TBC1D19: variants seen among roughly 807,000 people sequenced by gnomAD.
TBC1D19 encodes TBC1 domain family member 19, also known as TBC1 domain family, member 19.
In TBC1D19, 60 loss-of-function variants were observed where a neutral mutation model predicts 89.0. The ratio of observed to expected loss-of-function variants is 0.67; its 90% CI spans 0.55 to 0.84. TBC1D19 has a LOEUF of 0.84. Among genes scored for constraint, TBC1D19 ranks in the 40% least tolerant of loss-of-function variants. TBC1D19 has a pLI of 0.00. For synonymous variants in TBC1D19, 189 were observed against 199.7 expected (o/e 0.95, Z 0.45); for missense variants, 500 against 610.8 (o/e 0.82, Z 1.91).
At chr4:26,718,991 C>T (rs1716815371) in intron 14 of TBC1D19, among the ~76,000 whole-genome samples, 1 of 152,022 alleles carries the variant, frequency 6.6e-6, no homozygotes. Flanking sequence ...CACTTTCCAA[C>T]CTTAAAAATC....
chr4:26,841,822 A>G, the TBC1D19 span, among the ~76,000 whole-genome samples: 100 of 152,314 alleles, frequency 6.6e-4, no homozygotes, highest in Admixed American at 4.8e-3. Flanking sequence ...GTCAAGCCAT[A>G]AAATATGAAT....
intron 13 of TBC1D19, among the ~76,000 whole-genome samples, chr4:26,698,350 A>G (rs559085564): frequency 1.0e-3 from 152 of 152,324 alleles, no homozygotes; most frequent in Non-Finnish European, 1.7e-3. Flanking sequence ...CCACTGCTGA[A>G]CAAAATAAAA....
the TBC1D19 span, among the ~76,000 whole-genome samples, chr4:26,762,694 A>G: frequency 6.6e-6 from 1 of 152,216 alleles, no homozygotes; most frequent in African/African-American, 2.4e-5. Context: ...AGATGGGAAG[A>G]TTATCCTGGA....
the TBC1D19 span, among the ~76,000 whole-genome samples, chr4:26,790,097 G>T: frequency 2.2e-4 from 34 of 152,272 alleles, no homozygotes; most frequent in Non-Finnish European, 4.4e-4. Flanking sequence ...AAACTATTCA[G>T]GTGATGGCTA....
the TBC1D19 span, among the ~76,000 whole-genome samples, chr4:26,805,812 A>T: frequency 6.6e-6 from 1 of 152,158 alleles, no homozygotes; most frequent in South Asian, 2.1e-4. Flanking sequence ...CCTGGCCAAC[A>T]TGGTGAAACC....
At chr4:26,822,177 T>C in the TBC1D19 span, among the ~76,000 whole-genome samples, 1 of 152,376 alleles carries the variant, frequency 6.6e-6, no homozygotes, top group African/African-American at 2.4e-5. Flanking sequence ...TGTTACTCTC[T>C]CTGGCAGAGA....
the TBC1D19 span, among the ~76,000 whole-genome samples, chr4:26,786,835 C>T: frequency 3.3e-5 from 5 of 151,168 alleles, no homozygotes; most frequent in East Asian, 5.8e-4. Context: ...CAGATGGGGC[C>T]GAATGGCCGG....
chr4:26,655,945 G>A (rs1461498448), intron 7 of TBC1D19, among the ~76,000 whole-genome samples: 3 of 152,064 alleles, frequency 2.0e-5, no homozygotes, highest in South Asian at 2.1e-4. Context: ...TGCAGAAATC[G>A]TTCGTCTTCT....
At chr4:26,615,223 A>T (rs1188006637) in intron 3 of TBC1D19, among the ~76,000 whole-genome samples, 1 of 152,172 alleles carries the variant, frequency 6.6e-6, no homozygotes, top group African/African-American at 2.4e-5. Context: ...TAGATTTAAC[A>T]TCAGGGTCTA....
the TBC1D19 span, among the ~76,000 whole-genome samples, chr4:26,842,528 C>CCCTT: frequency 2.4e-5 from 3 of 124,228 alleles, no homozygotes. Flanking sequence ...TCCCTTTCTT[C>CCCTT]CCTTCCTTCC....
At chr4:26,757,795 TGTCTA>T (rs571716681), downstream of TBC1D19, among the ~76,000 whole-genome samples, 2 of 152,204 alleles carry the variant, frequency 1.3e-5, no homozygotes, top group Middle Eastern at 3.2e-3. Context: ...CATTAAGAAG[TGTCTA>T]GTCTAGTCTA....
At chr4:26,809,276 G>A in the TBC1D19 span, among the ~76,000 whole-genome samples, 8 of 152,304 alleles carry the variant, frequency 5.3e-5, no homozygotes, top group East Asian at 1.4e-3. Context: ...TCTCAGGACA[G>A]ACCATGTTGC....
chr4:26,717,624 A>AT (rs1716712965), intron 13 of TBC1D19, among the ~76,000 whole-genome samples: 1 of 151,862 alleles, frequency 6.6e-6, no homozygotes, highest in South Asian at 2.1e-4. Context: ...TTCTCCATAC[A>AT]TTTTTCATCT....
intron 4 of TBC1D19, among the ~76,000 whole-genome samples, chr4:26,625,936 C>G (rs1742363874): frequency 6.6e-6 from 1 of 152,080 alleles, no homozygotes. Flanking sequence ...CTTTTTCCCT[C>G]TTTCCATACT....
chr4:26,832,587 T>C, the TBC1D19 span, among the ~76,000 whole-genome samples: 1 of 152,220 alleles, frequency 6.6e-6, no homozygotes, highest in Non-Finnish European at 1.5e-5. Flanking sequence ...ATTTCATATG[T>C]GTACAATAAC....
chr4:26,784,843 T>A, the TBC1D19 span, among the ~76,000 whole-genome samples: 1 of 152,200 alleles, frequency 6.6e-6, no homozygotes, highest in Non-Finnish European at 1.5e-5. Flanking sequence ...TTTTAGATAA[T>A]TAAAAACTGC....
the TBC1D19 span, among the ~76,000 whole-genome samples, chr4:26,828,397 CTT>C: frequency 6.6e-6 from 1 of 152,222 alleles, no homozygotes; most frequent in African/African-American, 2.4e-5. Flanking sequence ...ACTGAGACAA[CTT>C]TGGCTGTTTC....
the TBC1D19 span, among the ~76,000 whole-genome samples, chr4:26,813,758 G>T: frequency 6.6e-6 from 1 of 152,070 alleles, no homozygotes; most frequent in Non-Finnish European, 1.5e-5. Context: ...CCTTCCCCGC[G>T]CCTCTCCTGG....
At chr4:26,843,117 A>G in the TBC1D19 span, among the ~76,000 whole-genome samples, 1 of 152,222 alleles carries the variant, frequency 6.6e-6, no homozygotes, top group South Asian at 2.1e-4. Flanking sequence ...AAGGGGAAGG[A>G]GAAGAATCAG....
Sources: gnomAD v4.1 joint callset for allele counts (sites outside exome capture counted in the v4.1 genomes callset) on GRCh38, gnomAD v4.1.1 for gene constraint, MANE v1.5 for transcripts, NCBI Gene and HGNC (gene_info 2026-07-23, HGNC 2026-07-21) for gene names.